The following SLC12A5 variants were observed in gnomAD, a reference collection of about 807,000 sequenced individuals.
SLC12A5 encodes the protein K-Cl cotransporter 2.
A neutral mutation model predicts 124.0 loss-of-function variants in SLC12A5; 18 were observed. That is an observed-to-expected ratio of 0.15 (90% confidence interval 0.10 to 0.22). The LOEUF (loss-of-function observed/expected upper bound fraction) is 0.22. Ranked by LOEUF, SLC12A5 falls within the 10% of genes least tolerant of loss-of-function variation. The pLI is 1.00. For synonymous variants in SLC12A5, 589 were observed against 568.0 expected (o/e 1.04, Z -0.53); for missense variants, 867 against 1,478.7 (o/e 0.59, Z 6.78).
At chr20:46,035,371 C>T in intron 2 of SLC12A5, 33 bp from the exon 3 acceptor site, 1 of 1,592,062 alleles carries the variant, frequency 6.3e-7, no homozygotes. Flanking sequence ...CTTGCTCCCC[C>T]AGCCTCCTAG....
Position 46,058,885 on chromosome 20 carries a change from T to A in SLC12A5, c.*1280T>A, listed in dbSNP as rs1050505573. 5.5e-5 allele frequency: 22 copies of A among 397,224 alleles called. No homozygotes were observed. The highest frequency in any genetic ancestry group is 8.9e-5 in the Non-Finnish European group (20 of 225,844). 24.6% of individuals were successfully genotyped at this position (397,224 alleles called of 1,614,324 possible). ...CTTCTCCGTGCTCTGGGGCCGGGCCTCGCTGCTTAGCAGCGGCCTCTAGCT... is the reference window on the plus strand; with the variant it reads ...CTTCTCCGTGCTCTGGGGCCGGGCCACGCTGCTTAGCAGCGGCCTCTAGCT... On this transcript the variant is annotated 3_prime_UTR_variant, in exon 26 of 26. Transcript: ENST00000243964. This position sits in a 1 kb window ranked among gnomAD's most constrained non-coding sequence, Gnocchi z 5.8.
At chr20:46,029,094 C>G (rs1372887448), upstream of SLC12A5, 1 of 1,321,526 alleles carries the variant, frequency 7.6e-7, no homozygotes, top group East Asian at 3.0e-5. Context: ...CCCCAAAACC[C>G]CGCCAGTGGC....
chr20:46,022,943 GGGAGGAGGAGGA>G (rs34923327), exon 2 of SLC12A5: 11 of 366,098 alleles, frequency 3.0e-5, no homozygotes, highest in South Asian at 1.5e-4. Flanking sequence ...CCCCAGCGAG[GGGAGGAGGAGGA>G]GGAGGAGGAG....
intron 8 of SLC12A5, among the ~76,000 whole-genome samples, chr20:46,042,822 G>T (rs2084559816): frequency 6.6e-6 from 1 of 152,094 alleles, no homozygotes; most frequent in Admixed American, 6.6e-5. Flanking sequence ...TGGGATGCAG[G>T]AAAGGAGCTG....
rs907254238 is a variant in SLC12A5, at chr20:46,035,803, C to T, written c.306C>T (p.Gly102=). The change falls in exon 4 of 26, where the codon GGC becomes GGT. Residue 102 remains glycine (G), a synonymous_variant. Transcript: ENST00000243964. The part of the protein sequence containing the change: ...VQAPRMGTFM[G]VYLPCLQNIF... Reference sequence around the variant, plus strand: ...CCCCACGCATGGGCACCTTCATGGGCGTGTACCTGCCGTGCCTGCAGAACA... The same window carrying T: ...CCCCACGCATGGGCACCTTCATGGGTGTGTACCTGCCGTGCCTGCAGAACA... 23 of 1,613,772 alleles carry T rather than the reference C, an allele frequency of 1.4e-5. No individual in the cohort carries two copies. The highest frequency in any genetic ancestry group is 2.2e-5 in the East Asian group (1 of 44,888).
chr20:46,043,343 G>C lies in SLC12A5; in HGVS notation c.1237+20G>C. 6.2e-7 allele frequency: 1 copy of C among 1,610,128 alleles called. No individual in the cohort carries two copies. The highest frequency in any genetic ancestry group is 8.5e-7 in the Non-Finnish European group (1 of 1,176,938). On this transcript the variant is annotated intron_variant, in intron 9 of 25. Coordinates refer to ENST00000243964, the MANE Select transcript of SLC12A5 (RefSeq NM_020708.5). Reference sequence around the variant, plus strand: ...TCACAGGTGAAGGGGAGCTCAGAGAGGGAAGACTCTGCCTGTGAGTGGATG... The same window carrying C: ...TCACAGGTGAAGGGGAGCTCAGAGACGGAAGACTCTGCCTGTGAGTGGATG...
At chr20:46,038,860 G>T (rs1174618542) in intron 6 of SLC12A5, among the ~76,000 whole-genome samples, 1 of 152,214 alleles carries the variant, frequency 6.6e-6, no homozygotes, top group Non-Finnish European at 1.5e-5. Context: ...TAGTGTCACG[G>T]CAGGATGGAA....
At chr20:46,037,501 A>T in intron 6 of SLC12A5, 116 bp downstream of exon 6, 1 of 1,180,118 alleles carries the variant, frequency 8.5e-7, no homozygotes, top group Non-Finnish European at 1.1e-6. Context: ...GTGGTTCAGT[A>T]AGGCCAAAGT....
Position 46,057,148 on chromosome 20 carries a change from C to T in SLC12A5, c.3126-22C>T, listed in dbSNP as rs2084703391. The stretch of plus-strand genomic sequence containing the variant: ...TCTACCCCCCCGGCTCACGCGGTCT[C>T]CACTCCTCCTTCCTGCCGCAGGAAC... On this transcript the variant is annotated intron_variant, in intron 24 of 25. Transcript: ENST00000243964. This position sits in a 1 kb window ranked among gnomAD's most constrained non-coding sequence, Gnocchi z 7.1. 1.2e-6 allele frequency: 2 copies of T among 1,613,570 alleles called. No homozygotes were observed. The highest frequency in any genetic ancestry group is 1.7e-6 in the Non-Finnish European group (2 of 1,179,686).
chr20:46,039,784 A>G (rs375447387), intron 6 of SLC12A5, among the ~76,000 whole-genome samples: 1 of 151,988 alleles, frequency 6.6e-6, no homozygotes, highest in Non-Finnish European at 1.5e-5. Flanking sequence ...TCAAAAAAAA[A>G]ACAAAAAAAC....
chr20:46,046,338 G>A lies in SLC12A5; in HGVS notation c.1689G>A (p.Met563Ile). ...SLDEVAPILSMFFLMCYMFVN... is the reference protein window; with the variant it reads ...SLDEVAPILSIFFLMCYMFVN... ...CCCCTGGGGCCTTCCTGTGTTCCAG[G>A]TTCTTCCTGATGTGCTACATGTTTG... The change falls in exon 14 of 26, where the codon ATG becomes ATA. Residue 563 changes from methionine to isoleucine, a missense_variant and splice_region_variant. Transcript: ENST00000243964. 6.2e-7 allele frequency: 1 copy of A among 1,614,014 alleles called. No individual in the cohort carries two copies. The highest frequency in any genetic ancestry group is 8.5e-7 in the Non-Finnish European group (1 of 1,179,956).
At chr20:46,047,653 A>G in intron 15 of SLC12A5, 80 bp downstream of exon 15, 1 of 1,319,608 alleles carries the variant, frequency 7.6e-7, no homozygotes, top group South Asian at 1.3e-5. Context: ...GTCATGAGGG[A>G]TTGGGGTGGT....
chr20:46,026,764 G>A (rs942858181), upstream of SLC12A5, among the ~76,000 whole-genome samples: 4 of 152,186 alleles, frequency 2.6e-5, no homozygotes, highest in African/African-American at 9.7e-5. Context: ...GAATTTGGGG[G>A]CAGAGGATAT....
At chr20:46,049,960 GA>G (rs2084633720) in intron 17 of SLC12A5, among the ~76,000 whole-genome samples, 170 bp downstream of exon 17, 1 of 152,166 alleles carries the variant, frequency 6.6e-6, no homozygotes, top group South Asian at 2.1e-4. Context: ...GAGTTCTTTA[GA>G]ATTCAACTCA....
intron 14 of SLC12A5, among the ~76,000 whole-genome samples, chr20:46,046,782 G>A (rs2084599872): frequency 6.6e-6 from 1 of 152,206 alleles, no homozygotes; most frequent in African/African-American, 2.4e-5. Context: ...GGCTGATGAT[G>A]TAGCTTCTCA....
intron 7 of SLC12A5, 162 bp from the exon 8 acceptor site, chr20:46,041,163 GAAAA>G: frequency 2.0e-6 from 1 of 503,482 alleles, no homozygotes; most frequent in Non-Finnish European, 3.4e-6. Context: ...GGGAGCTTAA[GAAAA>G]AAAAAAAAAA....
rs761971126 is a variant in SLC12A5 at position 46,048,061 on chromosome 20, G to A, written c.1988G>A (p.Gly663Glu). The change falls in exon 16 of 26, where the codon GGG becomes GAG. Residue 663 changes from glycine to glutamate, a missense_variant. Gly to Glu is a moderately conservative substitution (Grantham distance 98). Around this residue, in one of 9 missense-constraint regions of SLC12A5, gnomAD observed 38 missense variants for 36.2 expected, o/e 1.05. Coordinates refer to ENST00000243964, the MANE Select transcript of SLC12A5 (RefSeq NM_020708.5). The stretch of plus-strand genomic sequence containing the variant: ...TATGCCCTCTTACGCCTGGAGGAAG[G>A]GCCCCCACACACCAAGAACTGGAGG... The part of the protein sequence containing the change: ...ARYALLRLEE[G>E]PPHTKNWRPQ... 6.2e-7 allele frequency: 1 copy of A among 1,612,506 alleles called. No homozygotes were observed. The highest frequency in any genetic ancestry group is 1.7e-5 in the Admixed American group (1 of 59,810).
At chr20:46,035,355 A>G (rs1333328031) in intron 2 of SLC12A5, 49 bp from the exon 3 acceptor site, 11 of 1,581,756 alleles carry the variant, frequency 7.0e-6, no homozygotes, top group Middle Eastern at 1.9e-4. Flanking sequence ...CACCCAGCTC[A>G]CTCCACTTGC....
At chr20:46,027,491 A>T (rs2084410135), upstream of SLC12A5, among the ~76,000 whole-genome samples, 2 of 152,204 alleles carry the variant, frequency 1.3e-5, no homozygotes, top group African/African-American at 4.8e-5. Context: ...GTCTCCAGGG[A>T]TATGAATGGC....
Sources: gnomAD v4.1 joint callset for allele counts (sites outside exome capture counted in the v4.1 genomes callset) on GRCh38, gnomAD v4.1.1 for gene constraint, gnomAD v4.1.1 regional missense constraint, Gnocchi (gnomAD v3.1) non-coding constraint, MANE v1.5 for transcripts, NCBI Gene and HGNC (gene_info 2026-07-23, HGNC 2026-07-21) for gene names.